Variants in HECW1 observed in about 807,000 individuals in gnomAD.
The protein encoded by HECW1 is HECT, C2 and WW domain containing E3 ubiquitin protein ligase 1.
HECW1 carries 61 observed loss-of-function variants against 182.3 expected under a neutral mutation model. The ratio of observed to expected loss-of-function variants is 0.33; its 90% CI spans 0.27 to 0.41. The LOEUF is 0.41. Among genes scored for constraint, HECW1 ranks in the 10% least tolerant of loss-of-function variants. The pLI, the probability that HECW1 is intolerant of heterozygous loss-of-function variation, is 1.00. For missense variants in HECW1, 1,739 were observed against 2,108.9 expected (o/e 0.82, Z 3.44); for synonymous variants, 859 against 832.6 (o/e 1.03, Z -0.55).
rs1349329254 is a variant in HECW1, at chr7:43,450,917, C to A, written c.2488C>A (p.Pro830Thr). ...EHHHYPTIDE[P>T]LPPNWEARID... ...TCATCACTACCCAACAATCGATGAG[C>A]CTCTTCCACCAAGTAAGCTTTAGTT... The change falls in exon 12 of 30, where the codon CCT (proline) becomes ACT (threonine). Residue 830 changes from proline (P) to threonine (T), a missense_variant. Around this residue, in one of 5 missense-constraint regions of HECW1, gnomAD observed 971 missense variants for 1,029.1 expected, o/e 0.94. Coordinates refer to ENST00000395891, the MANE Select transcript of HECW1 (RefSeq NM_015052.5). 6.2e-7 allele frequency: 1 copy of A among 1,606,478 alleles called. No homozygotes were observed. Among genetic ancestry groups the A allele is most frequent in the East Asian group, 2.2e-5 (1 of 44,848 alleles).
At chr7:43,122,161 C>A (rs1327862006) in intron 2 of HECW1, 1 of 152,200 alleles carries the variant, frequency 6.6e-6, no homozygotes. Context: ...TCTTAAATTT[C>A]TAATACCCTT....
chr7:43,306,558 A>G (rs970784295), intron 3 of HECW1, among the ~76,000 whole-genome samples: 1 of 152,202 alleles, frequency 6.6e-6, no homozygotes, highest in Non-Finnish European at 1.5e-5. Context: ...TATATACTTT[A>G]ATGAAGCTTC....
intron 8 of HECW1, among the ~76,000 whole-genome samples, chr7:43,414,852 G>A (rs62458249): frequency 2.0e-5 from 3 of 152,130 alleles, no homozygotes; most frequent in Non-Finnish European, 4.4e-5. Context: ...GCTGGATTCG[G>A]TTTACCAGTA....
At chr7:43,429,107 A>G (rs1052444673) in intron 8 of HECW1, among the ~76,000 whole-genome samples, 1 of 150,114 alleles carries the variant, frequency 6.7e-6, no homozygotes, top group Non-Finnish European at 1.5e-5. Flanking sequence ...CCAAACCACA[A>G]CTAAATATTG....
intron 9 of HECW1, among the ~76,000 whole-genome samples, chr7:43,441,642 G>A (rs2076891980): frequency 6.6e-6 from 1 of 152,186 alleles, no homozygotes; most frequent in South Asian, 2.1e-4. Context: ...AAGGCCCACA[G>A]TCCCTGTCTA....
chr7:43,262,613 G>A (rs1443971049), intron 3 of HECW1, among the ~76,000 whole-genome samples: 3 of 152,188 alleles, frequency 2.0e-5, no homozygotes, highest in Non-Finnish European at 1.5e-5. Context: ...GCTATGAAAA[G>A]TAGTTTTCTC....
chr7:43,422,919 G>C (rs556052167), intron 8 of HECW1, among the ~76,000 whole-genome samples: 134 of 142,474 alleles, frequency 9.4e-4, no homozygotes, highest in African/African-American at 3.3e-3. Context: ...ATAAATCGCA[G>C]TGCCTGGCCG....
chr7:43,535,021 C>T (rs1014868565), intron 24 of HECW1, among the ~76,000 whole-genome samples: 1 of 152,166 alleles, frequency 6.6e-6, no homozygotes, highest in Non-Finnish European at 1.5e-5. Flanking sequence ...AATATGATTC[C>T]CATTTTGCAG....
chr7:43,137,416 C>T (rs921897504), intron 2 of HECW1, among the ~76,000 whole-genome samples: 2 of 152,174 alleles, frequency 1.3e-5, no homozygotes, highest in Non-Finnish European at 2.9e-5. Context: ...CTTCCTGCCT[C>T]TCTCTAAAAT....
intron 3 of HECW1, among the ~76,000 whole-genome samples, chr7:43,266,821 C>A (rs750456802): frequency 6.6e-6 from 1 of 151,874 alleles, no homozygotes; most frequent in Admixed American, 6.6e-5. Context: ...AAAAGAGACA[C>A]GCAAAAGGAA....
intron 2 of HECW1, among the ~76,000 whole-genome samples, chr7:43,142,994 A>G (rs1788330456): frequency 6.6e-6 from 1 of 152,168 alleles, no homozygotes; most frequent in Non-Finnish European, 1.5e-5. Flanking sequence ...GGAGAGTGGT[A>G]GGCTGCCTAT....
chr7:43,206,276 G>A (rs1405123542), intron 2 of HECW1, among the ~76,000 whole-genome samples: 2 of 152,164 alleles, frequency 1.3e-5, no homozygotes, highest in South Asian at 2.1e-4. Context: ...GATCTGCCAC[G>A]GAGTCAAGAG....
chr7:43,130,132 C>G (rs1250970509), intron 2 of HECW1, among the ~76,000 whole-genome samples: 1 of 152,070 alleles, frequency 6.6e-6, no homozygotes, highest in Non-Finnish European at 1.5e-5. Flanking sequence ...ATTTTAAGCA[C>G]TCAAAAACAC....
At chr7:43,551,887 C>T (rs561993753) in intron 27 of HECW1, among the ~76,000 whole-genome samples, 1 of 152,228 alleles carries the variant, frequency 6.6e-6, no homozygotes, top group African/African-American at 2.4e-5. Flanking sequence ...ATGGTACCTT[C>T]TCCCTGTGTC....
chr7:43,301,954 A>G (rs1374888926), intron 3 of HECW1, among the ~76,000 whole-genome samples: 1 of 152,168 alleles, frequency 6.6e-6, no homozygotes, highest in East Asian at 1.9e-4. Flanking sequence ...TGCTGGGTCA[A>G]ACCACCCAGG....
In HECW1 at chr7:43,355,505, CTAAGA is replaced by C. The variant is rs140782405; in HGVS notation, c.461-5376_461-5372del. Among the ~76,000 whole-genome samples, 677 of 151,934 alleles carry C rather than the reference CTAAGA, an allele frequency of 4.5e-3. 5 individuals are homozygous for C. The highest frequency in any genetic ancestry group is 0.016 in the African/African-American group (651 of 41,430). On this transcript the variant is annotated intron_variant, in intron 5 of 29. Coordinates refer to ENST00000395891, the MANE Select transcript of HECW1 (RefSeq NM_015052.5). ...GTTCTTTGTTTCTATTCTTTGTGAT[CTAAGA>C]TAAGTTGTCATCTCCTTAAAATAAC...
intron 13 of HECW1, 140 bp from the exon 14 acceptor site, chr7:43,463,520 A>G (rs1334802516): frequency 2.7e-6 from 2 of 729,770 alleles, no homozygotes; most frequent in African/African-American, 3.6e-5. Context: ...TGTTCTGGCT[A>G]TCTTGTGGGA....
chr7:43,534,627 A>T (rs1284947477), intron 24 of HECW1, among the ~76,000 whole-genome samples: 2 of 152,258 alleles, frequency 1.3e-5, no homozygotes, highest in Non-Finnish European at 2.9e-5. Flanking sequence ...CAAATGGTAT[A>T]AGACATTTCA....
At chr7:43,494,497 A>G (rs990889355) in intron 19 of HECW1, among the ~76,000 whole-genome samples, 3 of 150,790 alleles carry the variant, frequency 2.0e-5, no homozygotes, top group Non-Finnish European at 4.4e-5. Context: ...CATATGAAAT[A>G]AAGTCAAGAT....
Sources: gnomAD v4.1 joint callset for allele counts (sites outside exome capture counted in the v4.1 genomes callset) on GRCh38, gnomAD v4.1.1 for gene constraint, gnomAD v4.1.1 regional missense constraint, MANE v1.5 for transcripts, NCBI Gene and HGNC (gene_info 2026-07-23, HGNC 2026-07-21) for gene names.